The following LRRTM4 variants were observed in gnomAD, a reference collection of about 807,000 sequenced individuals.
The protein encoded by LRRTM4 is leucine rich repeat transmembrane neuronal 4.
In LRRTM4, 25 loss-of-function variants were observed where a neutral mutation model predicts 47.6. The ratio of observed to expected loss-of-function variants is 0.53; its 90% CI spans 0.38 to 0.73. The LOEUF (loss-of-function observed/expected upper bound fraction) is 0.73. LRRTM4 is among the 30% of genes least tolerant of loss of function. The pLI, the probability that LRRTM4 is intolerant of heterozygous loss-of-function variation, is 0.00. For missense variants in LRRTM4, 638 were observed against 713.4 expected (o/e 0.89, Z 1.20); for synonymous variants, 311 against 269.5 (o/e 1.15, Z -1.51).
chr2:77,169,548 A>T (rs1165484102), intron 3 of LRRTM4, among the ~76,000 whole-genome samples: 1 of 152,112 alleles, frequency 6.6e-6, no homozygotes, highest in African/African-American at 2.4e-5. Flanking sequence ...GCTTTCACGG[A>T]TGGGTTAATG....
intron 3 of LRRTM4, among the ~76,000 whole-genome samples, chr2:77,410,337 T>A (rs1028503947): frequency 6.6e-6 from 1 of 152,094 alleles, no homozygotes; most frequent in Admixed American, 6.5e-5. Context: ...ATTTTTAAGG[T>A]CTATTTTAAA....
chr2:77,229,736 A>G (rs1304380637), intron 3 of LRRTM4, among the ~76,000 whole-genome samples: 1 of 152,166 alleles, frequency 6.6e-6, no homozygotes, highest in East Asian at 1.9e-4. Flanking sequence ...TCTTCCTGGA[A>G]TATCTCAAGT....
chr2:76,827,786 G>A (rs1035179518), intron 3 of LRRTM4, among the ~76,000 whole-genome samples: 2 of 151,736 alleles, frequency 1.3e-5, no homozygotes, highest in African/African-American at 4.8e-5. Flanking sequence ...GCTTATGGTT[G>A]TTTTCCTCTT....
At chr2:76,849,299 T>C (rs1671924825) in intron 3 of LRRTM4, among the ~76,000 whole-genome samples, 1 of 152,018 alleles carries the variant, frequency 6.6e-6, no homozygotes, top group African/African-American at 2.4e-5. Flanking sequence ...AAATTCAGCA[T>C]TGTCAGTGTG....
At chr2:77,138,904 A>G (rs1438594775) in intron 3 of LRRTM4, among the ~76,000 whole-genome samples, 1 of 151,950 alleles carries the variant, frequency 6.6e-6, no homozygotes, top group Non-Finnish European at 1.5e-5. Flanking sequence ...ACACATATAT[A>G]CTCCCAAGAC....
chr2:76,804,890 T>A (rs915841595), intron 3 of LRRTM4, among the ~76,000 whole-genome samples: 3 of 151,696 alleles, frequency 2.0e-5, no homozygotes, highest in Non-Finnish European at 4.4e-5. Context: ...ACAAGATAAT[T>A]TAGGTGAATA....
At chr2:77,520,812 A>G (rs1020785924) in intron 2 of LRRTM4, among the ~76,000 whole-genome samples, 2 of 151,934 alleles carry the variant, frequency 1.3e-5, no homozygotes, top group Non-Finnish European at 2.9e-5. Context: ...CTGCAAAGTT[A>G]CAATCTATTG....
chr2:77,241,686 G>A (rs1246423203), intron 3 of LRRTM4, among the ~76,000 whole-genome samples: 1 of 152,060 alleles, frequency 6.6e-6, no homozygotes, highest in Non-Finnish European at 1.5e-5. Context: ...AAGGGGATTA[G>A]CAAATATATA....
At chr2:77,056,962 C>A (rs898683589) in intron 3 of LRRTM4, among the ~76,000 whole-genome samples, 1 of 152,260 alleles carries the variant, frequency 6.6e-6, no homozygotes, top group African/African-American at 2.4e-5. Context: ...AACCTGTGTG[C>A]AAAATCAGGC....
In LRRTM4 at chr2:76,988,209, T is replaced by A. The variant is rs146168284; in HGVS notation, c.1552-239293A>T. On this transcript the variant is annotated intron_variant, in intron 3 of 3. Transcript: ENST00000409884. Reference sequence around the variant, plus strand: ...AATGCTTCGTCTTCCTATTTTTTTGTCATTGATATTGATAATTTTAACAGG... The same window carrying A: ...AATGCTTCGTCTTCCTATTTTTTTGACATTGATATTGATAATTTTAACAGG... Among the ~76,000 whole-genome samples the A allele has an allele frequency of 2.8e-3, 424 of 151,958 alleles. 1 individual carries two copies. The highest frequency in any genetic ancestry group is 5.1e-3 in the Non-Finnish European group (344 of 67,882).
intron 3 of LRRTM4, among the ~76,000 whole-genome samples, chr2:77,205,574 C>G (rs1473238629): frequency 6.6e-6 from 1 of 151,948 alleles, no homozygotes; most frequent in Middle Eastern, 3.2e-3. Flanking sequence ...GCTACGGAGG[C>G]CAGAGCACAA....
chr2:77,012,674 A>G (rs372821399), intron 3 of LRRTM4, among the ~76,000 whole-genome samples: 8 of 152,132 alleles, frequency 5.3e-5, no homozygotes, highest in African/African-American at 1.9e-4. Flanking sequence ...TGGAACTGGG[A>G]CCCAGAAGCA....
At chr2:76,769,538 AAAT>A (rs748370103) in intron 3 of LRRTM4, among the ~76,000 whole-genome samples, 2 of 152,150 alleles carry the variant, frequency 1.3e-5, no homozygotes, top group African/African-American at 4.8e-5. Flanking sequence ...AAAAAAACAA[AAAT>A]AATAACGAAA....
At chr2:76,753,652 A>G (rs527659419) in intron 3 of LRRTM4, among the ~76,000 whole-genome samples, 1 of 152,058 alleles carries the variant, frequency 6.6e-6, no homozygotes, top group Non-Finnish European at 1.5e-5. Flanking sequence ...GTATTTTTCA[A>G]TGTTGGGAGG....
At chr2:76,855,852 A>G (rs952315410) in intron 3 of LRRTM4, among the ~76,000 whole-genome samples, 5 of 152,146 alleles carry the variant, frequency 3.3e-5, no homozygotes, top group African/African-American at 9.7e-5. Context: ...GCTGTTATTG[A>G]AGGGTAAGAA....
chr2:76,812,397 TA>T (rs1670760812), intron 3 of LRRTM4, among the ~76,000 whole-genome samples: 1 of 152,190 alleles, frequency 6.6e-6, no homozygotes, highest in Non-Finnish European at 1.5e-5. Context: ...GAATAGTGGT[TA>T]ACAAATGCTG....
chr2:77,428,512 A>T (rs948992052), intron 3 of LRRTM4, among the ~76,000 whole-genome samples: 2 of 152,142 alleles, frequency 1.3e-5, no homozygotes, highest in Non-Finnish European at 2.9e-5. Flanking sequence ...TTTGAGAATC[A>T]CTCATTTAAT....
chr2:76,795,488 T>TAATAATCTGGTGAGTATTTA, intron 3 of LRRTM4, among the ~76,000 whole-genome samples: 1 of 152,292 alleles, frequency 6.6e-6, no homozygotes, highest in African/African-American at 2.4e-5. Context: ...GTGTAGGTGT[T>TAATAATCTGGTGAGTATTTA]AATAATCTGG....
intron 3 of LRRTM4, among the ~76,000 whole-genome samples, chr2:77,177,918 A>C (rs1673243394): frequency 6.6e-6 from 1 of 152,204 alleles, no homozygotes; most frequent in Non-Finnish European, 1.5e-5. Context: ...GTCAGTTTTA[A>C]GCAACACAAT....
Sources: allele counts gnomAD v4.1 joint callset (sites outside exome capture counted in the v4.1 genomes callset), GRCh38; gene constraint gnomAD v4.1.1; transcripts MANE v1.5; gene names NCBI Gene and HGNC (gene_info 2026-07-23, HGNC 2026-07-21).